The following MAP3K5 variants were observed in gnomAD, a reference collection of about 807,000 sequenced individuals.
MAP3K5 encodes the protein mitogen-activated protein kinase kinase kinase 5.
MAP3K5 carries 56 observed loss-of-function variants against 158.7 expected under a neutral mutation model. The ratio of observed to expected loss-of-function variants is 0.35; its 90% CI spans 0.28 to 0.44. The LOEUF is 0.44. MAP3K5 is among the 20% of genes least tolerant of loss of function. MAP3K5 has a pLI of 1.00. For synonymous variants in MAP3K5, 579 were observed against 601.7 expected (o/e 0.96, Z 0.55); for missense variants, 1,294 against 1,674.8 (o/e 0.77, Z 3.97).
intron 14 of MAP3K5, chr6:136,637,050 C>T (rs1183209767): frequency 3.2e-5 from 40 of 1,248,562 alleles, no homozygotes; most frequent in Non-Finnish European, 3.1e-5. Context: ...GTAAGGACAC[C>T]GTGGCCCATG....
intron 1 of MAP3K5, among the ~76,000 whole-genome samples, chr6:136,762,031 G>A (rs571075516): frequency 2.6e-5 from 4 of 152,270 alleles, no homozygotes; most frequent in Admixed American, 2.6e-4. Context: ...TTAGAAAAAG[G>A]AAACAACATA....
At chr6:136,629,763 C>CTTTA (rs1283489461) in intron 14 of MAP3K5, among the ~76,000 whole-genome samples, 1 of 138,758 alleles carries the variant, frequency 7.2e-6, no homozygotes, top group Non-Finnish European at 1.5e-5. Flanking sequence ...CATATCTCAC[C>CTTTA]TTCATTTATT....
rs1367637451 is a variant in MAP3K5, at chr6:136,613,006, G to A, written c.2415+114C>T. 1.0e-6 allele frequency: 1 copy of A among 996,844 alleles called. No individual in the cohort carries two copies. The highest frequency in any genetic ancestry group is 1.4e-6 in the Non-Finnish European group (1 of 695,742). The allele number at this position is 996,844 out of a possible 1,614,324, so 61.7% of individuals were successfully genotyped here. A position where few individuals can be genotyped will look rare whatever the true frequency, so the allele number is the denominator to read the frequency against. ...TATTTTATATTTCTGCTGTTTCTAA[G>A]ATTTACTTATTCACCATTCTAAATT... is the stretch of plus-strand genomic sequence containing the variant. On this transcript the variant is annotated intron_variant, in intron 17 of 29. Coordinates refer to ENST00000359015, the MANE Select transcript of MAP3K5 (RefSeq NM_005923.4). The surrounding 1 kb of genome is among the most constrained non-coding windows in gnomAD (Gnocchi z 4.0).
At chr6:136,730,174 G>T (rs6570094) in intron 1 of MAP3K5, among the ~76,000 whole-genome samples, 1,370 of 69,228 alleles carry the variant, frequency 0.02, 8 homozygotes, top group Middle Eastern at 0.032. Context: ...TTTGTTTTTT[G>T]TTTTTGTAGA....
chr6:136,736,265 C>A (rs755683602), intron 1 of MAP3K5, among the ~76,000 whole-genome samples: 11 of 152,206 alleles, frequency 7.2e-5, no homozygotes, highest in Non-Finnish European at 1.5e-4. Context: ...CAGGATTCAA[C>A]ATCTCTAAAA....
At chr6:136,759,489 G>T (rs1258457973) in intron 1 of MAP3K5, among the ~76,000 whole-genome samples, 3 of 70,278 alleles carry the variant, frequency 4.3e-5, no homozygotes, top group Non-Finnish European at 1.0e-4. Context: ...TATAAAGTTT[G>T]AGACAGAGTA....
At chr6:136,637,436 A>G (rs764924682) in intron 13 of MAP3K5, 30 bp from the exon 14 acceptor site, 20 of 1,244,038 alleles carry the variant, frequency 1.6e-5, no homozygotes, top group East Asian at 1.2e-4. Flanking sequence ...GTGAGCATTC[A>G]TAACACAAAC....
At chr6:136,782,348 G>T (rs1210159092) in intron 1 of MAP3K5, among the ~76,000 whole-genome samples, 1 of 151,694 alleles carries the variant, frequency 6.6e-6, no homozygotes, top group East Asian at 1.9e-4. Context: ...TTTTAAAGGA[G>T]AGAGAATTCT....
intron 1 of MAP3K5, among the ~76,000 whole-genome samples, chr6:136,733,290 G>A (rs114088702): frequency 0.034 from 5,184 of 152,176 alleles, 279 homozygotes; most frequent in African/African-American, 0.12. Context: ...AAGCCACCAC[G>A]TCCAGCTTCA....
At chr6:136,765,485 T>C (rs543817320) in intron 1 of MAP3K5, among the ~76,000 whole-genome samples, 199 of 151,742 alleles carry the variant, frequency 1.3e-3, no homozygotes, top group African/African-American at 4.7e-3. Flanking sequence ...TATGTATTTA[T>C]TTTTTATTTG....
chr6:136,730,721 CAAAA>C lies in MAP3K5; in HGVS notation c.449-10136_449-10133del, dbSNP rs377188561. ...TGGGAGATAGAGTGAAACTCTGCCT[CAAAA>C]AAAAAAAAAAAAAAAAAAGAGTCAC... On this transcript the variant is annotated intron_variant, in intron 1 of 29. Transcript: ENST00000359015. 7.2e-4 allele frequency among the ~76,000 whole-genome samples: 63 copies of C among 87,330 alleles called. 1 individual carries two copies. The highest frequency in any genetic ancestry group is 4.3e-3 in the East Asian group (14 of 3,228). The allele number at this position is 87,330 out of a possible 152,430, so 57.3% of individuals were successfully genotyped here. A position where few individuals can be genotyped will look rare whatever the true frequency, so the allele number is the denominator to read the frequency against.
rs909219914 is a variant in MAP3K5, at chr6:136,593,654, G to A, written c.2879-1040C>T. On this transcript the variant is annotated intron_variant, in intron 21 of 29. Coordinates refer to ENST00000359015, the MANE Select transcript of MAP3K5 (RefSeq NM_005923.4). ...CTTCTCAGCCTCACTCCTAATGAGAGAAACGGGTATCTGAATCACAATAAA... is the reference window on the plus strand; with the variant it reads ...CTTCTCAGCCTCACTCCTAATGAGAAAAACGGGTATCTGAATCACAATAAA... The A allele has an allele frequency of 1.5e-5, 6 of 387,198 alleles. No homozygotes were observed. In the East Asian group the frequency reaches 3.7e-4, roughly 24 times the overall value. The allele number at this position is 387,198 out of a possible 1,614,324, so 24.0% of individuals were successfully genotyped here.
At chr6:136,669,822 G>A (rs1779398341) in intron 7 of MAP3K5, among the ~76,000 whole-genome samples, 1 of 151,822 alleles carries the variant, frequency 6.6e-6, no homozygotes, top group Non-Finnish European at 1.5e-5. Context: ...CATGTTAAAA[G>A]TCAGAAGAAA....
chr6:136,787,178 T>A (rs530754848), intron 1 of MAP3K5, among the ~76,000 whole-genome samples: 25 of 152,212 alleles, frequency 1.6e-4, no homozygotes, highest in African/African-American at 6.0e-4. Flanking sequence ...GCCTAGGCAA[T>A]ATAGCGAGAC....
rs1265917886 is a variant in MAP3K5, at chr6:136,580,380, G to A, written c.3438C>T (p.Asn1146=). ...DAVNKVLRNH[N]IKPHWMFALD... is the part of the protein sequence containing the mutation. ...AGGCAAACATCCAGTGCGGCTTGATGTTATGATTCCGAAGAACTTTATTGA... is the reference window on the plus strand; with the variant it reads ...AGGCAAACATCCAGTGCGGCTTGATATTATGATTCCGAAGAACTTTATTGA... Residue 1146 remains asparagine, a synonymous_variant, in exon 25 of 30, where the codon AAC becomes AAT. Coordinates refer to ENST00000359015, the MANE Select transcript of MAP3K5 (RefSeq NM_005923.4). 6.2e-7 allele frequency: 1 copy of A among 1,612,862 alleles called. No homozygotes were observed.
At chr6:136,658,733 AAC>A (rs1169338923) in intron 9 of MAP3K5, among the ~76,000 whole-genome samples, 1 of 152,258 alleles carries the variant, frequency 6.6e-6, no homozygotes, top group Non-Finnish European at 1.5e-5. Flanking sequence ...AAATTAGAAA[AAC>A]ACACAAATAT....
intron 11 of MAP3K5, among the ~76,000 whole-genome samples, chr6:136,645,556 A>G (rs749658261): frequency 1.3e-5 from 2 of 152,226 alleles, no homozygotes; most frequent in African/African-American, 2.4e-5. Context: ...CGCCCTGCAA[A>G]TAACTTCTCT....
chr6:136,597,207 T>C (rs1411865343), intron 21 of MAP3K5, among the ~76,000 whole-genome samples: 1 of 152,108 alleles, frequency 6.6e-6, no homozygotes, highest in East Asian at 1.9e-4. Context: ...CCCTAAGAGA[T>C]AGCTTTACCA....
intron 14 of MAP3K5, among the ~76,000 whole-genome samples, chr6:136,633,097 T>A (rs1777450487): frequency 6.6e-6 from 1 of 152,072 alleles, no homozygotes; most frequent in East Asian, 1.9e-4. Flanking sequence ...GGAAAAGACA[T>A]TAAAGATCCT....
Sources: gnomAD v4.1 joint callset for allele counts (sites outside exome capture counted in the v4.1 genomes callset) on GRCh38, gnomAD v4.1.1 for gene constraint, Gnocchi (gnomAD v3.1) non-coding constraint, MANE v1.5 for transcripts, NCBI Gene and HGNC (gene_info 2026-07-23, HGNC 2026-07-21) for gene names.